Variants in TTN observed in about 807,000 individuals in gnomAD.
TTN encodes the protein connectin.
In TTN, 1,525 loss-of-function variants were observed where a neutral mutation model predicts 3,223.0. The observed-to-expected ratio is 0.47, with a 90% CI of 0.45 to 0.49. TTN has a LOEUF of 0.49. TTN is among the 20% of genes least tolerant of loss of function. The probability of loss-of-function intolerance (pLI) is 0.00; values close to 1 mark genes in which losing one functional copy is unlikely to be tolerated. For missense variants in TTN, 40,786 were observed against 43,424.0 expected (o/e 0.94, Z 5.40); for synonymous variants, 14,094 against 15,161.0 (o/e 0.93, Z 5.17).
chr2:178,783,204 G>A, intron 17 of TTN, 140 bp from the exon 18 acceptor site: 1 of 795,694 alleles, frequency 1.3e-6, no homozygotes, highest in East Asian at 2.7e-5. Flanking sequence ...AGAAATAGTA[G>A]TAGAGAAACT....
chr2:178,612,391 C>T lies in TTN; in HGVS notation c.50134G>A (p.Val16712Ile). Residue 16712 changes from valine to isoleucine, a missense_variant, in exon 266 of 363, where the codon GTC (valine) becomes ATC (isoleucine). Physicochemically the swap from Val to Ile is conservative, Grantham distance 29. Transcript: ENST00000589042. ...AAAGAGCCCTCAGTCAGTGGGGTGACTGTGCACTTGGTGTCCTTGACAGTG... is the reference window on the plus strand; with the variant it reads ...AAAGAGCCCTCAGTCAGTGGGGTGATTGTGCACTTGGTGTCCTTGACAGTG... ...DTTVKDTKCT[V>I]TPLTEGSLYV... is the part of the protein sequence containing the mutation. 6.2e-7 allele frequency: 1 copy of T among 1,612,544 alleles called. No individual in the cohort carries two copies. Among genetic ancestry groups the T allele is most frequent in the East Asian group, 2.2e-5 (1 of 44,556 alleles).
At position 178,752,124 on chromosome 2, in the gene TTN, A is replaced by C. The variant is rs2085720997; in HGVS notation, c.11311+1000T>G. On this transcript the variant is annotated intron_variant, in intron 47 of 362. Transcript: ENST00000589042. Reference sequence around the variant, plus strand: ...AATAAAATTGCAAAATAGGAAATGAAATAAATTGCATGCTACAGATCTCAC... The same window carrying C: ...AATAAAATTGCAAAATAGGAAATGACATAAATTGCATGCTACAGATCTCAC... 3 of 1,229,874 alleles carry C rather than the reference A, an allele frequency of 2.4e-6. No individual in the cohort carries two copies. In the South Asian group the frequency reaches 4.0e-5, roughly 16 times the overall value. 76.2% of individuals were successfully genotyped at this position (1,229,874 alleles called of 1,614,324 possible). A position where few individuals can be genotyped will look rare whatever the true frequency, so the allele number is the denominator to read the frequency against.
At position 178,714,448 on chromosome 2, in the gene TTN, T is replaced by G. The variant is rs746071731; in HGVS notation, c.26326A>C (p.Ile8776Leu). 6.2e-7 allele frequency: 1 copy of G among 1,613,696 alleles called. No individual in the cohort carries two copies. Among genetic ancestry groups the G allele is most frequent in the East Asian group, 2.2e-5 (1 of 44,856 alleles). Residue 8776 changes from isoleucine to leucine, a missense_variant, in exon 91 of 363, where the codon ATC becomes CTC. Transcript: ENST00000589042. ...SVVWFKDKGE[I>L]VRESDNIWIS... ...CATATGTTGTCACTTTCTCTAACGA[T>G]TTCTCCCTTATCTTTGAACCACACC...
chr2:178,721,211 C>A lies in TTN; in HGVS notation c.22817-9G>T. On this transcript the variant is annotated splice_polypyrimidine_tract_variant and intron_variant, in intron 78 of 362. Coordinates refer to ENST00000589042, the MANE Select transcript of TTN (RefSeq NM_001267550.2). ...AACAAACTTTGGAGGTTCTAGTAAA[C>A]CAAACAAAACAGTCAGTAAGGGATA... The A allele has an allele frequency of 6.4e-7, 1 of 1,571,566 alleles. No individual in the cohort carries two copies. Among genetic ancestry groups the A allele is most frequent in the Non-Finnish European group, 8.6e-7 (1 of 1,156,726 alleles).
At position 178,633,135 on chromosome 2, in the gene TTN, C is replaced by T. The variant is rs575896522; in HGVS notation, c.43086+52G>A. The T allele has an allele frequency of 1.9e-5, 31 of 1,597,128 alleles. No individual in the cohort carries two copies. The Admixed American group carries it at 2.9e-4, about 15-fold the overall frequency. The stretch of plus-strand genomic sequence containing the variant: ...CAAGATATTTTATGCCTTTTTTCAC[C>T]CTACACAACCAAGCAACCCCTCTCC... On this transcript the variant is annotated intron_variant, in intron 233 of 362. Coordinates refer to ENST00000589042, the MANE Select transcript of TTN (RefSeq NM_001267550.2).
chr2:178,749,040 T>C (rs1197196244), intron 47 of TTN: 2 of 1,612,712 alleles, frequency 1.2e-6, no homozygotes, highest in South Asian at 2.2e-5. Context: ...TTCACCTTTT[T>C]CCCCGGGTAG....
In TTN at chr2:178,610,211, T is replaced by A. The variant is rs1450241889; in HGVS notation, c.51315A>T (p.Ser17105=). Residue 17105 remains serine, a synonymous_variant, in exon 271 of 363, where the codon TCA becomes TCT. Coordinates refer to ENST00000589042, the MANE Select transcript of TTN (RefSeq NM_001267550.2). ...TTGGTATGAGATCCTTCACAGTCCA[T>A]GACAGTTTGTTCTCACCAGACATGA... ...IPVMSGENKL[S]WTVKDLIPNG... The A allele has an allele frequency of 2.5e-6, 4 of 1,613,026 alleles. No individual in the cohort carries two copies. The highest frequency in any genetic ancestry group is 4.5e-5 in the East Asian group (2 of 44,756).
rs2061855297 is a variant in TTN at position 178,645,905 on chromosome 2, A to G, written c.40408+15T>C. 1 of 1,500,804 alleles carries G rather than the reference A, an allele frequency of 6.7e-7. No individual in the cohort carries two copies. Among genetic ancestry groups the G allele is most frequent in the Non-Finnish European group, 9.0e-7 (1 of 1,114,532 alleles). The allele number at this position is 1,500,804 out of a possible 1,614,324, so 93.0% of individuals were successfully genotyped here. A position where few individuals can be genotyped will look rare whatever the true frequency, so the allele number is the denominator to read the frequency against. ...TGAAGCAGGCTAATAAAACTTTGGA[A>G]GTGGCATTTTTTACCTTTAAGTTGG... On this transcript the variant is annotated intron_variant, in intron 217 of 362. Coordinates refer to ENST00000589042, the MANE Select transcript of TTN (RefSeq NM_001267550.2).
chr2:178,604,992 A>G lies in TTN; in HGVS notation c.54185T>C (p.Val18062Ala). ...TAAGAAAGCAAGTCACTTACCATAT[A>G]CTTCAACGTGAACATTTCGGAACAC... ...GSVFRNVHVE[V>A]YDRPSPPRNL... is the part of the protein sequence containing the mutation. The change falls in exon 280 of 363, where the codon GTA becomes GCA. Residue 18062 changes from valine (V) to alanine (A), a missense_variant. Val to Ala is a moderately conservative substitution (Grantham distance 64). Coordinates refer to ENST00000589042, the MANE Select transcript of TTN (RefSeq NM_001267550.2). 6.3e-7 allele frequency: 1 copy of G among 1,594,610 alleles called. No homozygotes were observed. Among genetic ancestry groups the G allele is most frequent in the Non-Finnish European group, 8.6e-7 (1 of 1,169,160 alleles).
chr2:178,559,115 G>A (rs112194582), intron 326 of TTN, 196 bp downstream of exon 326: 18 of 439,678 alleles, frequency 4.1e-5, no homozygotes, highest in Middle Eastern at 6.0e-4. Flanking sequence ...TTTTAGCTAC[G>A]TAAATTTCTG....
chr2:178,648,371 A>G (rs2154246872), intron 213 of TTN, among the ~76,000 whole-genome samples: 1 of 152,006 alleles, frequency 6.6e-6, no homozygotes, highest in South Asian at 2.1e-4. Context: ...GCCTTTCAAT[A>G]TGCTCTTCCC....
chr2:178,771,383 G>A lies in TTN; in HGVS notation c.7944C>T (p.Ser2648=). Residue 2648 remains serine (S), a synonymous_variant, in exon 34 of 363, where the codon TCC becomes TCT. Coordinates refer to ENST00000589042, the MANE Select transcript of TTN (RefSeq NM_001267550.2). The stretch of plus-strand genomic sequence containing the variant: ...TGCCATCCCTCAACCATTCGCCTTT[G>A]GAATCTGGGTTGGCAACTTCACATT... The part of the protein sequence containing the change: ...VFECEVANPD[S]KGEWLRDGKH... 1 of 1,613,980 alleles carries A rather than the reference G, an allele frequency of 6.2e-7. No homozygotes were observed. The highest frequency in any genetic ancestry group is 8.5e-7 in the Non-Finnish European group (1 of 1,179,958).
rs878916429 is a variant in TTN at position 178,589,239 on chromosome 2, A to C, written c.62486T>G (p.Phe20829Cys). The change falls in exon 304 of 363, where the codon TTT becomes TGT. Residue 20829 changes from phenylalanine to cysteine, a missense_variant. Phe to Cys is a radical substitution (Grantham distance 205, BLOSUM62 -2). Transcript: ENST00000589042. ...KIDTRADSSKFSLTKAKRSDG... is the reference protein window; with the variant it reads ...KIDTRADSSKCSLTKAKRSDG... ...ACTTCGCTTTGCTTTAGTAAGAGAA[A>C]ATTTAGATGAATCAGCACGGGTATC... 24 of 1,613,364 alleles carry C rather than the reference A, an allele frequency of 1.5e-5. No homozygotes were observed. Among genetic ancestry groups the C allele is most frequent in the African/African-American group, 5.3e-5 (4 of 74,894 alleles).
Position 178,768,118 on chromosome 2 carries a change from A to C in TTN, c.9201T>G (p.Ile3067Met). ...TGGCTCGCTTCTTCTCCAGTACCTTAATGTCCTTAATGTGTTTCCTAAATT... is the reference window on the plus strand; with the variant it reads ...TGGCTCGCTTCTTCTCCAGTACCTTCATGTCCTTAATGTGTTTCCTAAATT... The part of the protein sequence containing the change: ...HIEFRKHIKD[I>M]KVLEKKRAMF... The change falls in exon 39 of 363, where the codon ATT becomes ATG. Residue 3067 changes from isoleucine to methionine, a missense_variant. Physicochemically the swap from Ile to Met is conservative, Grantham distance 10. Coordinates refer to ENST00000589042, the MANE Select transcript of TTN (RefSeq NM_001267550.2). 1 of 1,614,098 alleles carries C rather than the reference A, an allele frequency of 6.2e-7. No homozygotes were observed. The highest frequency in any genetic ancestry group is 2.2e-5 in the East Asian group (1 of 44,828).
At position 178,620,517 on chromosome 2, in the gene TTN, G is replaced by A; in HGVS notation, c.46004C>T (p.Thr15335Ile). 6.2e-7 allele frequency: 1 copy of A among 1,612,266 alleles called. No homozygotes were observed. The highest frequency in any genetic ancestry group is 8.5e-7 in the Non-Finnish European group (1 of 1,178,948). Reference protein sequence around the residue: ...VNRLNVTLKWTKNGEEVPFDN... With the variant: ...VNRLNVTLKWIKNGEEVPFDN... ...AAAAGGCACTTCTTCACCATTTTTG[G>A]TCCACTTCAGTGTTACATTGAGACG... Residue 15335 changes from threonine to isoleucine, a missense_variant, in exon 248 of 363, where the codon ACC becomes ATC. Physicochemically the swap from Thr to Ile is moderately conservative, Grantham distance 89. Coordinates refer to ENST00000589042, the MANE Select transcript of TTN (RefSeq NM_001267550.2).
At chr2:178,624,885 G>C (rs2058799693) in intron 241 of TTN, among the ~76,000 whole-genome samples, 154 bp from the exon 242 acceptor site, 2 of 151,828 alleles carry the variant, frequency 1.3e-5, no homozygotes. Flanking sequence ...CTCTAAAAAT[G>C]ATATTTTATC....
At position 178,532,605 on chromosome 2, in the gene TTN, G is replaced by T. The variant is rs751039219; in HGVS notation, c.104010C>A (p.Tyr34670Ter). Residue 34670 changes from tyrosine to a stop codon, truncating the protein, a stop_gained, in exon 358 of 363, where the codon TAC becomes TAA. Transcript: ENST00000589042. LOFTEE classifies it high-confidence loss of function. ...CTTCCTCTGTTCTTTTCATTGCTAA[G>T]TAGTCATCAATGGGGAGGAGTAATT... is the stretch of plus-strand genomic sequence containing the variant. The part of the protein sequence containing the change: ...DEELLLPIDD[Y>*]LAMKRTEEER... 1 of 1,613,968 alleles carries T rather than the reference G, an allele frequency of 6.2e-7. No homozygotes were observed.
intron 223 of TTN, among the ~76,000 whole-genome samples, chr2:178,638,640 T>A (rs1322983957): frequency 6.6e-6 from 1 of 151,868 alleles, no homozygotes; most frequent in Non-Finnish European, 1.5e-5. Flanking sequence ...GAACAAATTG[T>A]CAAGGCATTA....
Position 178,647,454 on chromosome 2 carries a change from C to T in TTN, c.40068G>A (p.Val13356=). 6.5e-7 allele frequency: 1 copy of T among 1,549,538 alleles called. No individual in the cohort carries two copies. ...PEVLPEKVPK[V]PEKIIPEKEV... is the part of the protein sequence containing the mutation. ...CCTTTTCTGGGATGATTTTCTCAGG[C>T]ACTTTGGGCACTTTAAAGATATGAT... Residue 13356 remains valine (V), a synonymous_variant, in exon 214 of 363, where the codon GTG becomes GTA. Coordinates refer to ENST00000589042, the MANE Select transcript of TTN (RefSeq NM_001267550.2).
Sources: allele counts gnomAD v4.1 joint callset (sites outside exome capture counted in the v4.1 genomes callset), GRCh38; gene constraint gnomAD v4.1.1; transcripts MANE v1.5; gene names NCBI Gene and HGNC (gene_info 2026-07-23, HGNC 2026-07-21).